MBD5: variants seen among roughly 807,000 people sequenced by gnomAD.
The protein encoded by MBD5 is methyl-CpG binding domain protein 5.
Under a neutral mutation model 117.3 loss-of-function variants are expected in MBD5, and 13 were observed. The observed-to-expected ratio is 0.11, with a 90% CI of 0.07 to 0.18. MBD5 has a LOEUF of 0.18. Ranked by LOEUF, MBD5 falls within the 10% of genes least tolerant of loss-of-function variation. MBD5 has a pLI of 1.00. For synonymous variants in MBD5, 727 were observed against 766.4 expected (o/e 0.95, Z 0.85); for missense variants, 1,879 against 2,093.8 (o/e 0.90, Z 2.00).
At position 148,439,555 on chromosome 2, in the gene MBD5, C is replaced by A. The variant is rs556550644; in HGVS notation, c.-556-18648C>A. The stretch of plus-strand genomic sequence containing the variant: ...ATACTCCTCATTCAAGCTGCTGGAC[C>A]ATTTTAATTGCAGAAATCTTAATAT... On this transcript the variant is annotated intron_variant, in intron 4 of 13. Transcript: ENST00000642680. 3.9e-5 allele frequency among the ~76,000 whole-genome samples: 6 copies of A among 152,142 alleles called. No individual in the cohort carries two copies. In the South Asian group the frequency reaches 1.2e-3, roughly 32 times the overall value.
At chr2:148,247,268 G>A (rs1700359370) in intron 3 of MBD5, among the ~76,000 whole-genome samples, 1 of 152,134 alleles carries the variant, frequency 6.6e-6, no homozygotes, top group Non-Finnish European at 1.5e-5. Flanking sequence ...TGACTTATCT[G>A]TGTCAGAAAT....
At chr2:148,081,897 T>C (rs1357787382) in intron 1 of MBD5, among the ~76,000 whole-genome samples, 1 of 152,224 alleles carries the variant, frequency 6.6e-6, no homozygotes, top group African/African-American at 2.4e-5. Context: ...ACTACTCATC[T>C]TGAGAGTGAT....
At chr2:148,390,245 C>A (rs1335887088) in intron 4 of MBD5, among the ~76,000 whole-genome samples, 3 of 151,782 alleles carry the variant, frequency 2.0e-5, no homozygotes, top group African/African-American at 7.3e-5. Flanking sequence ...TGTGGCTTTA[C>A]TCTTGGTTTC....
intron 1 of MBD5, among the ~76,000 whole-genome samples, chr2:148,080,770 A>C (rs1159080175): frequency 6.6e-6 from 1 of 152,178 alleles, no homozygotes; most frequent in Non-Finnish European, 1.5e-5. Flanking sequence ...ATTATATATT[A>C]TGATAGCAGC....
At chr2:148,186,386 C>G (rs1698658227) in intron 2 of MBD5, among the ~76,000 whole-genome samples, 2 of 152,150 alleles carry the variant, frequency 1.3e-5, no homozygotes, top group Admixed American at 6.5e-5. Context: ...ATGTCTTTAT[C>G]AGCAGCATGA....
At chr2:148,483,084 T>C (rs746284536) in intron 8 of MBD5, 26 bp from the exon 9 acceptor site, 2 of 1,526,838 alleles carry the variant, frequency 1.3e-6, no homozygotes, top group Non-Finnish European at 1.7e-6. Context: ...TAACTGGGTT[T>C]TGTGTTTTTT....
At position 148,512,979 on chromosome 2, in the gene MBD5, G is replaced by A. The variant is rs1682263114; in HGVS notation, c.*38G>A. On this transcript the variant is annotated 3_prime_UTR_variant, in exon 14 of 14. Transcript: ENST00000642680. Reference sequence around the variant, plus strand: ...CACTAATGCGCAGTGTTTATTAAAGGAACATGCACAGATGTATCTGTATAT... The same window carrying A: ...CACTAATGCGCAGTGTTTATTAAAGAAACATGCACAGATGTATCTGTATAT... 6.4e-7 allele frequency: 1 copy of A among 1,555,666 alleles called. No homozygotes were observed. Among genetic ancestry groups the A allele is most frequent in the Non-Finnish European group, 8.9e-7 (1 of 1,127,156 alleles).
At chr2:148,417,471 C>T (rs1014087050) in intron 4 of MBD5, among the ~76,000 whole-genome samples, 1 of 151,876 alleles carries the variant, frequency 6.6e-6, no homozygotes, top group Non-Finnish European at 1.5e-5. Context: ...TGGGTAGATA[C>T]CCAGTAGTGG....
At chr2:148,135,570 A>T (rs1697151185) in intron 1 of MBD5, among the ~76,000 whole-genome samples, 1 of 152,108 alleles carries the variant, frequency 6.6e-6, no homozygotes. Flanking sequence ...GGAGCCCCCT[A>T]GGTTTTAGGG....
At chr2:148,224,319 T>C (rs908860964) in intron 2 of MBD5, among the ~76,000 whole-genome samples, 1 of 152,014 alleles carries the variant, frequency 6.6e-6, no homozygotes, top group African/African-American at 2.4e-5. Flanking sequence ...GAAAGTATGG[T>C]GATGAAGCCT....
At chr2:148,074,495 GTT>G (rs1034437368) in intron 1 of MBD5, among the ~76,000 whole-genome samples, 5 of 109,830 alleles carry the variant, frequency 4.6e-5, no homozygotes, top group African/African-American at 1.8e-4. Flanking sequence ...TTTTTTTTTT[GTT>G]TTTTTTTTTG....
intron 2 of MBD5, among the ~76,000 whole-genome samples, chr2:148,186,163 T>A (rs1188983757): frequency 6.6e-6 from 1 of 152,174 alleles, no homozygotes; most frequent in African/African-American, 2.4e-5. Context: ...ACGTGTTGTG[T>A]GAGGGACCCA....
chr2:148,296,860 T>C lies in MBD5; in HGVS notation c.-679-45354T>C, dbSNP rs185631196. 2.8e-5 allele frequency among the ~76,000 whole-genome samples: 3 copies of C among 107,542 alleles called. No individual in the cohort carries two copies. The East Asian group carries it at 7.8e-4, about 28-fold the overall frequency. The allele number at this position is 107,542 out of a possible 152,430, so 70.6% of individuals were successfully genotyped here. ...CTTTAAGCATAGTTTGCTTTAGTTC[T>C]TCAATTTTTTTTTTTTTTTTTTTTG... On this transcript the variant is annotated intron_variant, in intron 3 of 13. Transcript: ENST00000642680.
intron 4 of MBD5, among the ~76,000 whole-genome samples, chr2:148,360,851 G>C (rs1286972746): frequency 6.6e-6 from 1 of 151,962 alleles, no homozygotes; most frequent in Non-Finnish European, 1.5e-5. Context: ...AAAAAATAAT[G>C]TTTTTATATT....
chr2:148,061,721 A>C (rs1045537764), intron 1 of MBD5, among the ~76,000 whole-genome samples: 5 of 151,940 alleles, frequency 3.3e-5, no homozygotes, highest in African/African-American at 1.2e-4. Context: ...GAAATTCTTG[A>C]ATCAGTCTAT....
chr2:148,114,240 G>A (rs1288482483), intron 1 of MBD5, among the ~76,000 whole-genome samples: 1 of 152,202 alleles, frequency 6.6e-6, no homozygotes, highest in African/African-American at 2.4e-5. Context: ...GGAGGCCAAG[G>A]CAGGCGGGAT....
chr2:148,105,019 T>C (rs1189156289), intron 1 of MBD5, among the ~76,000 whole-genome samples: 2 of 152,166 alleles, frequency 1.3e-5, no homozygotes, highest in Non-Finnish European at 2.9e-5. Context: ...ATATTTACTG[T>C]TGAGCCCATT....
At chr2:148,023,150 ATTC>A (rs1252387896) in intron 1 of MBD5, among the ~76,000 whole-genome samples, 1 of 151,118 alleles carries the variant, frequency 6.6e-6, no homozygotes, top group African/African-American at 2.4e-5. Flanking sequence ...AGCAAAAAAT[ATTC>A]TTCTGTAAAG....
chr2:148,196,066 C>T (rs1298863170), intron 2 of MBD5: 1 of 152,148 alleles, frequency 6.6e-6, no homozygotes, highest in Non-Finnish European at 1.5e-5. Context: ...TCTGGCCTGG[C>T]TGTTATCTTT....
Sources: allele counts gnomAD v4.1 joint callset (sites outside exome capture counted in the v4.1 genomes callset), GRCh38; gene constraint gnomAD v4.1.1; transcripts MANE v1.5; gene names NCBI Gene and HGNC (gene_info 2026-07-23, HGNC 2026-07-21).